The following DAB1 variants were observed in gnomAD, a reference collection of about 807,000 sequenced individuals.
The protein encoded by DAB1 is disabled homolog 1.
A neutral mutation model predicts 64.6 loss-of-function variants in DAB1; 15 were observed. The observed-to-expected ratio is 0.23, with a 90% CI of 0.16 to 0.36. DAB1 has a LOEUF of 0.36. Among genes scored for constraint, DAB1 ranks in the 10% least tolerant of loss-of-function variants. The probability of loss-of-function intolerance (pLI) is 1.00; values close to 1 mark genes in which losing one functional copy is unlikely to be tolerated. For missense variants in DAB1, 596 were observed against 706.7 expected (o/e 0.84, Z 1.78); for synonymous variants, 235 against 251.9 (o/e 0.93, Z 0.64).
chr1:57,900,346 C>T (rs1374260444), intron 5 of DAB1, among the ~76,000 whole-genome samples: 2 of 152,124 alleles, frequency 1.3e-5, no homozygotes, highest in Admixed American at 6.5e-5. Flanking sequence ...GACCCTGTCC[C>T]CTGCTGCCTT....
At chr1:57,553,414 G>GAAAAAGAAAGAAAGAAAGAA (rs752389243) in intron 7 of DAB1, among the ~76,000 whole-genome samples, 376 of 20,390 alleles carry the variant, frequency 0.018, 25 homozygotes, top group South Asian at 0.035. Context: ...AAGAAAGAAA[G>GAAAAAGAAAGAAAGAAAGAA]AAAGAAAGAA....
At chr1:58,085,773 T>G (rs1650263168) in intron 5 of DAB1, among the ~76,000 whole-genome samples, 5 of 152,108 alleles carry the variant, frequency 3.3e-5, no homozygotes, top group Admixed American at 3.3e-4. Flanking sequence ...TCACCCACTT[T>G]TCCTATTGGG....
At chr1:57,892,476 G>T (rs1644331162) in intron 5 of DAB1, among the ~76,000 whole-genome samples, 1 of 152,150 alleles carries the variant, frequency 6.6e-6, no homozygotes, top group Admixed American at 6.5e-5. Flanking sequence ...CATGACATAG[G>T]TCACTATTAA....
intron 7 of DAB1, among the ~76,000 whole-genome samples, chr1:57,644,162 A>G (rs919671238): frequency 2.6e-5 from 4 of 152,184 alleles, no homozygotes; most frequent in African/African-American, 9.7e-5. Context: ...CCTCTCTAGC[A>G]TAGTACTACT....
intron 5 of DAB1, among the ~76,000 whole-genome samples, chr1:57,917,675 T>C (rs749646829): frequency 6.6e-6 from 1 of 152,190 alleles, no homozygotes; most frequent in Non-Finnish European, 1.5e-5. Flanking sequence ...AAATCATCTA[T>C]CCATATACTT....
At chr1:57,602,584 A>T (rs1277333999) in intron 7 of DAB1, among the ~76,000 whole-genome samples, 1 of 152,208 alleles carries the variant, frequency 6.6e-6, no homozygotes, top group African/African-American at 2.4e-5. Flanking sequence ...GTTAGCTTAA[A>T]TGGAAACACG....
intron 1 of DAB1, among the ~76,000 whole-genome samples, chr1:57,409,869 CAT>C (rs993385088): frequency 4.6e-5 from 7 of 152,156 alleles, no homozygotes; most frequent in Non-Finnish European, 1.0e-4. Flanking sequence ...AACAATCACA[CAT>C]GTCAAATACT....
At chr1:57,198,651 A>T (rs61765564) in intron 2 of DAB1, among the ~76,000 whole-genome samples, 47,217 of 112,660 alleles carry the variant, frequency 0.42, 8,108 homozygotes, top group African/African-American at 0.52. Context: ...TCTCTCTCTC[A>T]CACACACACA....
At chr1:58,326,116 A>G (rs1321620429) in intron 4 of DAB1, among the ~76,000 whole-genome samples, 1 of 152,190 alleles carries the variant, frequency 6.6e-6, no homozygotes, top group African/African-American at 2.4e-5. Flanking sequence ...ATCACGTAGC[A>G]TTATACACCA....
intron 2 of DAB1, among the ~76,000 whole-genome samples, chr1:58,508,891 G>C (rs934829938): frequency 6.7e-5 from 10 of 149,102 alleles, no homozygotes; most frequent in Non-Finnish European, 3.0e-5. Flanking sequence ...ACATTTCTGA[G>C]GGCTGTCCAA....
Position 57,599,679 on chromosome 1 carries a change from T to TG in DAB1, n.625+49912dup, listed in dbSNP as rs1168671464. Among the ~76,000 whole-genome samples the TG allele has an allele frequency of 2.0e-5, 3 of 152,162 alleles. No individual in the cohort carries two copies. The East Asian group carries it at 5.8e-4, about 29-fold the overall frequency. Reference sequence around the variant, plus strand: ...TGGAGAGCAGGTGCTTGCCTGGTCATGGGGCATTTCAAGGGTTTTAAGCAA... The same window carrying TG: ...TGGAGAGCAGGTGCTTGCCTGGTCATGGGGGCATTTCAAGGGTTTTAAGCAA... On this transcript the variant is annotated intron_variant and non_coding_transcript_variant, in intron 7 of 20. Coordinates refer to the DAB1 transcript ENST00000485760.
chr1:58,314,945 T>G (rs1662517460), intron 4 of DAB1, among the ~76,000 whole-genome samples: 1 of 152,116 alleles, frequency 6.6e-6, no homozygotes, highest in South Asian at 2.1e-4. Context: ...AGGTTGAGAG[T>G]TTAAGTAATT....
chr1:57,035,455 C>G (rs1420126245), intron 9 of DAB1, among the ~76,000 whole-genome samples: 1 of 152,138 alleles, frequency 6.6e-6, no homozygotes, highest in Non-Finnish European at 1.5e-5. Context: ...CGTGTTGTCA[C>G]CTTCCTGGGA....
intron 3 of DAB1, among the ~76,000 whole-genome samples, chr1:58,435,017 A>G (rs1374953268): frequency 6.6e-6 from 1 of 152,142 alleles, no homozygotes; most frequent in African/African-American, 2.4e-5. Flanking sequence ...TCATTTCCAG[A>G]ATGTAGGAAA....
chr1:57,097,072 T>C (rs1654234419), intron 4 of DAB1, among the ~76,000 whole-genome samples: 1 of 152,196 alleles, frequency 6.6e-6, no homozygotes, highest in Admixed American at 6.5e-5. Flanking sequence ...GATTAGTATC[T>C]AGCAATGAGT....
chr1:57,951,989 G>A (rs879691608), intron 5 of DAB1, among the ~76,000 whole-genome samples: 5 of 152,158 alleles, frequency 3.3e-5, no homozygotes, highest in Admixed American at 3.3e-4. Flanking sequence ...CGCTTATACA[G>A]TGCATCCTGG....
intron 14 of DAB1, among the ~76,000 whole-genome samples, chr1:57,009,193 G>A (rs1646187947): frequency 6.6e-6 from 1 of 152,160 alleles, no homozygotes; most frequent in Admixed American, 6.5e-5. Flanking sequence ...AGGCAAGGTT[G>A]AGCACGTGAA....
At chr1:57,688,152 T>C (rs1288964639) in intron 6 of DAB1, among the ~76,000 whole-genome samples, 1 of 152,138 alleles carries the variant, frequency 6.6e-6, no homozygotes. Flanking sequence ...AGAAAATACT[T>C]GTAAACTACA....
chr1:57,758,623 T>G (rs1202315009), intron 6 of DAB1, among the ~76,000 whole-genome samples: 1 of 152,186 alleles, frequency 6.6e-6, no homozygotes, highest in Non-Finnish European at 1.5e-5. Context: ...ATTCATCATG[T>G]TCACCGGCTT....
Sources: gnomAD v4.1 joint callset for allele counts (sites outside exome capture counted in the v4.1 genomes callset) on GRCh38, gnomAD v4.1.1 for gene constraint, MANE v1.5 for transcripts, NCBI Gene and HGNC (gene_info 2026-07-23, HGNC 2026-07-21) for gene names.